Variants in RAB38 observed in about 807,000 individuals in gnomAD.
The protein encoded by RAB38 is ras-related protein Rab-38.
Under a neutral mutation model 18.4 loss-of-function variants are expected in RAB38, and 15 were observed. That is an observed-to-expected ratio of 0.82 (90% CI 0.55 to 1.26). The LOEUF is 1.26. Ranked by LOEUF, RAB38 falls within the 50% of genes most tolerant of loss-of-function variation. The probability of loss-of-function intolerance (pLI) is 0.00; values close to 1 mark genes in which losing one functional copy is unlikely to be tolerated. For synonymous variants in RAB38, 101 were observed against 104.4 expected, an observed-to-expected ratio of 0.97 and a Z score of 0.20; for missense variants, 294 against 267.4, an observed-to-expected ratio of 1.10 and a Z score of -0.69.
the RAB38 span, among the ~76,000 whole-genome samples, chr11:87,893,769 A>T: frequency 1.1e-4 from 17 of 151,770 alleles, no homozygotes; most frequent in Admixed American, 2.0e-4. Flanking sequence ...CCTGAGTGGA[A>T]TCATACAGTA....
chr11:88,171,159 G>C (rs1943308010), intron 1 of RAB38, among the ~76,000 whole-genome samples: 1 of 152,214 alleles, frequency 6.6e-6, no homozygotes, highest in Non-Finnish European at 1.5e-5. Context: ...CATTTATTAT[G>C]TGTCAGGCAC....
At chr11:88,087,309 G>T in the RAB38 span, among the ~76,000 whole-genome samples, 1 of 151,864 alleles carries the variant, frequency 6.6e-6, no homozygotes, top group Non-Finnish European at 1.5e-5. Flanking sequence ...CATAGAGAAT[G>T]TATTAGTCCA....
the RAB38 span, among the ~76,000 whole-genome samples, chr11:88,018,015 G>A: frequency 9.0e-3 from 1,368 of 152,176 alleles, 11 homozygotes; most frequent in African/African-American, 0.031. Flanking sequence ...GCCGCCGTAT[G>A]AGACATGCCT....
At chr11:87,819,702 G>GTATATA in the RAB38 span, among the ~76,000 whole-genome samples, 8 of 3,354 alleles carry the variant, frequency 2.4e-3, no homozygotes, top group African/African-American at 4.2e-3. Context: ...GTGTGTGTGT[G>GTATATA]TATATATATA....
chr11:88,064,120 A>G, the RAB38 span, among the ~76,000 whole-genome samples: 1 of 152,354 alleles, frequency 6.6e-6, no homozygotes, highest in East Asian at 1.9e-4. Context: ...GAGATTCCAA[A>G]TTTTGAGATG....
intron 1 of RAB38, among the ~76,000 whole-genome samples, chr11:88,174,808 T>C (rs759939034): frequency 3.9e-5 from 6 of 152,204 alleles, no homozygotes; most frequent in African/African-American, 7.2e-5. Context: ...GGTCCGCCCC[T>C]GCACGGAAGG....
the RAB38 span, among the ~76,000 whole-genome samples, chr11:87,919,096 A>T: frequency 1.3e-5 from 2 of 151,936 alleles, no homozygotes; most frequent in Non-Finnish European, 2.9e-5. Flanking sequence ...GTTTTCCAAC[A>T]CCATTTATTA....
At chr11:88,074,490 G>A in the RAB38 span, among the ~76,000 whole-genome samples, 1 of 152,082 alleles carries the variant, frequency 6.6e-6, no homozygotes, top group Admixed American at 6.6e-5. Flanking sequence ...TAAATAACTT[G>A]CTATAACTGT....
chr11:88,029,837 C>T, the RAB38 span, among the ~76,000 whole-genome samples: 1 of 152,122 alleles, frequency 6.6e-6, no homozygotes, highest in Admixed American at 6.5e-5. Context: ...AGAAAGTCAA[C>T]AAGGATACCA....
chr11:87,950,254 ATCCCTT>A, the RAB38 span, among the ~76,000 whole-genome samples: 1 of 151,854 alleles, frequency 6.6e-6, no homozygotes, highest in Non-Finnish European at 1.5e-5. Flanking sequence ...ATCTTCCTCC[ATCCCTT>A]TATTTTGAGC....
intron 1 of RAB38, among the ~76,000 whole-genome samples, chr11:88,151,251 A>G (rs1389895702): frequency 6.6e-6 from 1 of 152,220 alleles, no homozygotes; most frequent in African/African-American, 2.4e-5. Context: ...CCAGCATAGT[A>G]CCTTATACTT....
the RAB38 span, among the ~76,000 whole-genome samples, chr11:87,936,232 AT>A: frequency 6.6e-6 from 1 of 151,774 alleles, no homozygotes; most frequent in Non-Finnish European, 1.5e-5. Flanking sequence ...GACTTACAAG[AT>A]TTTTTCTTAT....
At chr11:87,884,479 A>T in the RAB38 span, among the ~76,000 whole-genome samples, 1 of 151,932 alleles carries the variant, frequency 6.6e-6, no homozygotes, top group Non-Finnish European at 1.5e-5. Context: ...GTAGCAGAGA[A>T]AGATGTGCCC....
At chr11:88,129,278 C>T (rs922523263) in intron 2 of RAB38, among the ~76,000 whole-genome samples, 1 of 151,812 alleles carries the variant, frequency 6.6e-6, no homozygotes, top group Non-Finnish European at 1.5e-5. Context: ...CACCTCTCAC[C>T]AGAAAGGTAT....
At chr11:87,953,077 A>AGAT in the RAB38 span, among the ~76,000 whole-genome samples, 112 of 152,074 alleles carry the variant, frequency 7.4e-4, 1 homozygote, top group African/African-American at 2.3e-3. Flanking sequence ...TTATTTACAC[A>AGAT]GACTCCTGAT....
At chr11:88,017,514 T>C in the RAB38 span, among the ~76,000 whole-genome samples, 1 of 151,530 alleles carries the variant, frequency 6.6e-6, no homozygotes, top group African/African-American at 2.4e-5. Context: ...GACATCTGTC[T>C]CTAGTTCTTT....
chr11:87,867,727 G>A, the RAB38 span, among the ~76,000 whole-genome samples: 7 of 151,692 alleles, frequency 4.6e-5, no homozygotes, highest in Non-Finnish European at 1.5e-5. Context: ...TGCTTACCCT[G>A]TATCAGATAC....
At chr11:87,888,263 C>G in the RAB38 span, among the ~76,000 whole-genome samples, 3 of 151,888 alleles carry the variant, frequency 2.0e-5, no homozygotes. Context: ...TCTGTCTTGG[C>G]TAATAGCAGT....
At chr11:88,156,796 C>G (rs755061632) in intron 1 of RAB38, among the ~76,000 whole-genome samples, 13 of 152,196 alleles carry the variant, frequency 8.5e-5, no homozygotes, top group Non-Finnish European at 1.9e-4. Flanking sequence ...CTAAGGGAAT[C>G]TGTTACCACT....
Sources: gnomAD v4.1 joint callset for allele counts (sites outside exome capture counted in the v4.1 genomes callset) on GRCh38, gnomAD v4.1.1 for gene constraint, MANE v1.5 for transcripts, NCBI Gene and HGNC (gene_info 2026-07-23, HGNC 2026-07-21) for gene names.